Variants in JAM2 observed in about 807,000 individuals in gnomAD.
The protein encoded by JAM2 is junctional adhesion molecule B.
A neutral mutation model predicts 42.0 loss-of-function variants in JAM2; 17 were observed. That is an observed-to-expected ratio of 0.40 (90% CI 0.28 to 0.61). The LOEUF (loss-of-function observed/expected upper bound fraction) is 0.61, where lower values mean the gene tolerates loss of function less well. Among genes scored for constraint, JAM2 ranks in the 20% least tolerant of loss-of-function variants. The pLI is 0.37. For missense variants in JAM2, 319 were observed against 358.3 expected (o/e 0.89, Z 0.89); for synonymous variants, 118 against 128.6 (o/e 0.92, Z 0.56).
chr21:25,650,278 T>A (rs950896012), intron 1 of JAM2, among the ~76,000 whole-genome samples: 1 of 152,232 alleles, frequency 6.6e-6, no homozygotes, highest in Admixed American at 6.5e-5. Flanking sequence ...CCAGTATTTT[T>A]ATAGGTTGGT....
At chr21:25,707,125 A>C (rs1293856951) in intron 7 of JAM2, among the ~76,000 whole-genome samples, 1 of 152,174 alleles carries the variant, frequency 6.6e-6, no homozygotes. Context: ...AAATAAGTGA[A>C]ATATTTCATC....
chr21:25,684,681 C>T (rs543352002), intron 2 of JAM2, among the ~76,000 whole-genome samples: 16 of 152,168 alleles, frequency 1.1e-4, no homozygotes, highest in South Asian at 2.1e-4. Context: ...CTCGGCTCAC[C>T]GCAACCTCTA....
chr21:25,657,599 A>G (rs2032973681), intron 1 of JAM2, among the ~76,000 whole-genome samples: 1 of 152,216 alleles, frequency 6.6e-6, no homozygotes, highest in African/African-American at 2.4e-5. Context: ...TAATATAAAT[A>G]AAATGGAACT....
At chr21:25,667,394 T>G (rs558751455) in intron 1 of JAM2, among the ~76,000 whole-genome samples, 1 of 152,314 alleles carries the variant, frequency 6.6e-6, no homozygotes, top group South Asian at 2.1e-4. Context: ...TTTTATCTCA[T>G]CACGTCGGCA....
intron 1 of JAM2, among the ~76,000 whole-genome samples, chr21:25,681,169 A>G (rs1446348880): frequency 6.6e-6 from 1 of 152,204 alleles, no homozygotes; most frequent in Non-Finnish European, 1.5e-5. Context: ...TCATTCTTAC[A>G]TCATGTATAA....
chr21:25,685,683 G>A (rs184914822), intron 2 of JAM2, among the ~76,000 whole-genome samples: 190 of 152,244 alleles, frequency 1.2e-3, no homozygotes, highest in Non-Finnish European at 2.3e-3. Context: ...GTTTTAAACG[G>A]AGAGAGGTGG....
intron 1 of JAM2, among the ~76,000 whole-genome samples, chr21:25,651,369 T>C (rs1049061966): frequency 6.6e-6 from 1 of 152,202 alleles, no homozygotes; most frequent in African/African-American, 2.4e-5. Flanking sequence ...TAACTTAAAA[T>C]GCAAATTAGA....
intron 2 of JAM2, among the ~76,000 whole-genome samples, chr21:25,688,527 C>A (rs1486736602): frequency 1.3e-5 from 2 of 152,206 alleles, no homozygotes; most frequent in African/African-American, 2.4e-5. Context: ...TTTCCTCAGA[C>A]AGGTCCCTTA....
At chr21:25,663,140 GC>G (rs1015221397) in intron 1 of JAM2, among the ~76,000 whole-genome samples, 31 of 152,270 alleles carry the variant, frequency 2.0e-4, no homozygotes, top group African/African-American at 7.5e-4. Context: ...AATGCAGAGA[GC>G]CAGAGTGTCT....
intron 1 of JAM2, among the ~76,000 whole-genome samples, chr21:25,641,201 GGC>G (rs1444070385): frequency 1.0e-5 from 1 of 97,156 alleles, no homozygotes; most frequent in East Asian, 2.1e-4. Context: ...CAGAGAGGTA[GGC>G]TGGAGAAATC....
At chr21:25,656,998 G>A (rs780055590) in intron 1 of JAM2, among the ~76,000 whole-genome samples, 3 of 152,270 alleles carry the variant, frequency 2.0e-5, no homozygotes, top group Non-Finnish European at 2.9e-5. Context: ...AAAACATTTT[G>A]GGAGTGGGCT....
At chr21:25,667,598 T>C (rs886339264) in intron 1 of JAM2, among the ~76,000 whole-genome samples, 1 of 152,186 alleles carries the variant, frequency 6.6e-6, no homozygotes, top group African/African-American at 2.4e-5. Flanking sequence ...AAACAGAGTG[T>C]ATATAGGGTT....
intron 5 of JAM2, among the ~76,000 whole-genome samples, chr21:25,700,877 T>A (rs1447074719): frequency 6.6e-6 from 1 of 152,238 alleles, no homozygotes; most frequent in Non-Finnish European, 1.5e-5. Flanking sequence ...ACTGAGCAAC[T>A]GGGCAGAAAA....
intron 4 of JAM2, among the ~76,000 whole-genome samples, chr21:25,695,606 C>A (rs1450717774): frequency 2.1e-5 from 3 of 144,622 alleles, no homozygotes; most frequent in East Asian, 2.1e-4. Flanking sequence ...GCAGAGGCGC[C>A]CCCCCACCTC....
intron 5 of JAM2, 97 bp from the exon 6 acceptor site, chr21:25,702,073 G>C (rs2034177204): frequency 1.8e-6 from 1 of 563,118 alleles, no homozygotes. Context: ...AAAAAGGAAA[G>C]ACAAACTTAA....
At chr21:25,664,204 T>C (rs1000897810) in intron 1 of JAM2, among the ~76,000 whole-genome samples, 1 of 152,172 alleles carries the variant, frequency 6.6e-6, no homozygotes, top group African/African-American at 2.4e-5. Context: ...CCTAAGTCCA[T>C]GGCTTGCTTT....
intron 1 of JAM2, among the ~76,000 whole-genome samples, chr21:25,653,379 C>T (rs1048115679): frequency 6.6e-6 from 1 of 152,168 alleles, no homozygotes; most frequent in Non-Finnish European, 1.5e-5. Flanking sequence ...TAAGATGAGC[C>T]TGGGACGGTT....
intron 8 of JAM2, among the ~76,000 whole-genome samples, chr21:25,711,214 G>C (rs939530181): frequency 6.6e-6 from 1 of 152,202 alleles, no homozygotes; most frequent in Non-Finnish European, 1.5e-5. Context: ...CCAAGTAGAG[G>C]TTATCAGTAA....
At chr21:25,698,588 T>C in intron 4 of JAM2, 89 bp from the exon 5 acceptor site, 1 of 1,106,872 alleles carries the variant, frequency 9.0e-7, no homozygotes, top group Non-Finnish European at 1.3e-6. Flanking sequence ...AAACCATTGA[T>C]TGTAGAGACA....
Sources: allele counts gnomAD v4.1 joint callset (sites outside exome capture counted in the v4.1 genomes callset), GRCh38; gene constraint gnomAD v4.1.1; transcripts MANE v1.5; gene names NCBI Gene and HGNC (gene_info 2026-07-23, HGNC 2026-07-21).